Variants in FSTL4 observed in about 807,000 individuals in gnomAD.
FSTL4 encodes follistatin-related protein 4.
A neutral mutation model predicts 78.2 loss-of-function variants in FSTL4; 28 were observed. That is an observed-to-expected ratio of 0.36 (90% CI 0.27 to 0.49). The LOEUF is 0.49. Ranked by LOEUF, FSTL4 falls within the 20% of genes least tolerant of loss-of-function variation. The pLI, the probability that FSTL4 is intolerant of heterozygous loss-of-function variation, is 0.98. For synonymous variants in FSTL4, 422 were observed against 440.5 expected, an observed-to-expected ratio of 0.96 and a Z score of 0.53; for missense variants, 922 against 1,084.9, an observed-to-expected ratio of 0.85 and a Z score of 2.11.
chr5:133,817,150 A>G, the FSTL4 span, among the ~76,000 whole-genome samples: 3,460 of 152,288 alleles, frequency 0.023, 58 homozygotes, highest in Non-Finnish European at 0.035. Flanking sequence ...TTTCACTTCT[A>G]TTGTTATCTT....
chr5:133,200,408 T>C (rs1581518721), intron 15 of FSTL4, among the ~76,000 whole-genome samples: 1 of 152,218 alleles, frequency 6.6e-6, no homozygotes, highest in Non-Finnish European at 1.5e-5. Context: ...GGCATTGGGG[T>C]TGAGGACAGC....
intron 4 of FSTL4, among the ~76,000 whole-genome samples, chr5:133,327,061 G>A (rs1754230461): frequency 6.6e-6 from 1 of 152,224 alleles, no homozygotes; most frequent in African/African-American, 2.4e-5. Context: ...AAGGGACGTG[G>A]CTGGACCACG....
At chr5:133,362,130 T>C (rs1561686698) in intron 4 of FSTL4, among the ~76,000 whole-genome samples, 1 of 152,254 alleles carries the variant, frequency 6.6e-6, no homozygotes, top group East Asian at 1.9e-4. Context: ...TGTTGTGGCA[T>C]ATGAGTTGCC....
chr5:133,380,949 C>T (rs879322217), intron 4 of FSTL4, among the ~76,000 whole-genome samples: 6 of 151,924 alleles, frequency 3.9e-5, no homozygotes, highest in African/African-American at 7.3e-5. Context: ...AATCAATTAC[C>T]GTAATAAACA....
the FSTL4 span, among the ~76,000 whole-genome samples, chr5:133,780,266 C>T: frequency 1.3e-5 from 2 of 152,078 alleles, no homozygotes; most frequent in Admixed American, 6.5e-5. Context: ...GACGCAGACA[C>T]GTGGGGATAT....
chr5:133,840,663 T>C, the FSTL4 span, among the ~76,000 whole-genome samples: 1 of 152,244 alleles, frequency 6.6e-6, no homozygotes, highest in East Asian at 1.9e-4. Context: ...TTTTACCAAC[T>C]GATTCTAAAG....
At chr5:133,788,089 A>G in the FSTL4 span, among the ~76,000 whole-genome samples, 1 of 152,160 alleles carries the variant, frequency 6.6e-6, no homozygotes, top group African/African-American at 2.4e-5. Context: ...ACAACACTCA[A>G]CAGAGGAACA....
chr5:133,351,774 GTTTT>G (rs1459307107), intron 4 of FSTL4, among the ~76,000 whole-genome samples: 1 of 151,856 alleles, frequency 6.6e-6, no homozygotes. Flanking sequence ...TGCCCAGCTA[GTTTT>G]TTTATTTTTA....
At chr5:133,206,077 G>A (rs983356021) in intron 14 of FSTL4, among the ~76,000 whole-genome samples, 2 of 152,048 alleles carry the variant, frequency 1.3e-5, no homozygotes, top group South Asian at 4.1e-4. Flanking sequence ...TTTTAAATCA[G>A]GTTTTATAAT....
At position 133,317,231 on chromosome 5, in the gene FSTL4, G is replaced by T. The variant is rs115625021; in HGVS notation, c.410-579C>A. Among the ~76,000 whole-genome samples the T allele has an allele frequency of 9.2e-5, 14 of 152,352 alleles. No individual in the cohort carries two copies. The East Asian group carries it at 1.7e-3, about 19-fold the overall frequency. ...AAAGAAGCTTTACAACGTTAAAACC[G>T]AAGCACACAGCTCGTTTTATCCCAG... On this transcript the variant is annotated intron_variant, in intron 4 of 15. Coordinates refer to ENST00000265342, the MANE Select transcript of FSTL4 (RefSeq NM_015082.2).
At chr5:133,448,211 C>T (rs893890765) in intron 3 of FSTL4, among the ~76,000 whole-genome samples, 3 of 152,244 alleles carry the variant, frequency 2.0e-5, no homozygotes, top group African/African-American at 7.2e-5. Context: ...CTCCCCAGGG[C>T]TGCCCTGCCG....
At chr5:133,536,905 A>G (rs1018916905) in intron 3 of FSTL4, among the ~76,000 whole-genome samples, 8 of 152,230 alleles carry the variant, frequency 5.3e-5, no homozygotes, top group Non-Finnish European at 1.2e-4. Context: ...ATAATTTTAA[A>G]TTATGAACAG....
chr5:133,529,787 T>C (rs1038366740), intron 3 of FSTL4, among the ~76,000 whole-genome samples: 1 of 152,164 alleles, frequency 6.6e-6, no homozygotes, highest in African/African-American at 2.4e-5. Flanking sequence ...CTCTGTTGAA[T>C]GGTTTTTTGT....
At chr5:133,664,795 A>T in the FSTL4 span, among the ~76,000 whole-genome samples, 1 of 152,256 alleles carries the variant, frequency 6.6e-6, no homozygotes, top group South Asian at 2.1e-4. Context: ...TATTTCAGCA[A>T]GTTGTTTTAC....
At chr5:133,460,303 T>G (rs1393760236) in intron 3 of FSTL4, among the ~76,000 whole-genome samples, 3 of 151,742 alleles carry the variant, frequency 2.0e-5, no homozygotes, top group Admixed American at 2.0e-4. Context: ...TCCCCAGTGC[T>G]CTTTCCAAGG....
At chr5:133,755,558 C>T in the FSTL4 span, among the ~76,000 whole-genome samples, 1 of 152,328 alleles carries the variant, frequency 6.6e-6, no homozygotes, top group East Asian at 1.9e-4. Flanking sequence ...AGACCTCACC[C>T]ACATTTCAGC....
intron 11 of FSTL4, among the ~76,000 whole-genome samples, chr5:133,221,494 G>A (rs1176757896): frequency 7.1e-6 from 1 of 141,470 alleles, no homozygotes; most frequent in African/African-American, 2.6e-5. Flanking sequence ...CCCCGGCCCA[G>A]GGCTGTAGCT....
At position 133,282,350 on chromosome 5, in the gene FSTL4, T is replaced by TG. The variant is rs1419589931; in HGVS notation, c.727+30303dup. ...CACTGGGGCCCCAGAGGAGTCTTCC[T>TG]GGTAGATCCTTGCATGTTCCAGGGT... On this transcript the variant is annotated intron_variant, in intron 6 of 15. Coordinates refer to ENST00000265342, the MANE Select transcript of FSTL4 (RefSeq NM_015082.2). 1.0e-3 allele frequency among the ~76,000 whole-genome samples: 154 copies of TG among 152,294 alleles called. 3 individuals carry two copies. Among genetic ancestry groups the TG allele is most frequent in the African/African-American group, 3.4e-3 (143 of 41,578 alleles).
the FSTL4 span, among the ~76,000 whole-genome samples, chr5:133,689,553 G>A: frequency 2.0e-5 from 3 of 152,288 alleles, no homozygotes; most frequent in South Asian, 6.2e-4. Flanking sequence ...ATGCTATGCT[G>A]GGCACAGGGA....
Sources: gnomAD v4.1 joint callset for allele counts (sites outside exome capture counted in the v4.1 genomes callset) on GRCh38, gnomAD v4.1.1 for gene constraint, MANE v1.5 for transcripts, NCBI Gene and HGNC (gene_info 2026-07-23, HGNC 2026-07-21) for gene names.